DDX59: variants seen among roughly 807,000 people sequenced by gnomAD.
DDX59 encodes the protein probable ATP-dependent RNA helicase DDX59.
A neutral mutation model predicts 51.9 loss-of-function variants in DDX59; 30 were observed. The ratio of observed to expected loss-of-function variants is 0.58; its 90% CI spans 0.43 to 0.78. The LOEUF (loss-of-function observed/expected upper bound fraction) is 0.78. Among genes scored for constraint, DDX59 ranks in the 30% least tolerant of loss-of-function variants. The probability of loss-of-function intolerance (pLI) is 0.00; values close to 1 mark genes in which losing one functional copy is unlikely to be tolerated. For synonymous variants in DDX59, 255 were observed against 253.3 expected, an observed-to-expected ratio of 1.01 and a Z score of -0.06; for missense variants, 672 against 730.8, an observed-to-expected ratio of 0.92 and a Z score of 0.93.
At chr1:200,662,349 C>T (rs1463807072) in intron 3 of DDX59, among the ~76,000 whole-genome samples, 1 of 152,114 alleles carries the variant, frequency 6.6e-6, no homozygotes, top group Non-Finnish European at 1.5e-5. Flanking sequence ...AAAAAAAGTT[C>T]CATTTACTGT....
At chr1:200,663,506 C>G (rs1348815077) in intron 3 of DDX59, among the ~76,000 whole-genome samples, 1 of 152,126 alleles carries the variant, frequency 6.6e-6, no homozygotes, top group East Asian at 1.9e-4. Flanking sequence ...AACAGCATGG[C>G]TAAGGAAGGA....
At chr1:200,658,761 A>G (rs915688205) in intron 4 of DDX59, among the ~76,000 whole-genome samples, 3 of 152,216 alleles carry the variant, frequency 2.0e-5, no homozygotes, top group East Asian at 1.9e-4. Context: ...AAATGCTTAA[A>G]AAAAAACAAC....
chr1:200,642,191 T>C (rs1031002818), downstream of DDX59, among the ~76,000 whole-genome samples: 1 of 152,178 alleles, frequency 6.6e-6, no homozygotes, highest in African/African-American at 2.4e-5. Flanking sequence ...TCAGTATTTT[T>C]ATAATATAGT....
At chr1:200,649,365 A>C (rs1661503500) in intron 5 of DDX59, 139 bp from the exon 6 acceptor site, 4 of 817,618 alleles carry the variant, frequency 4.9e-6, no homozygotes, top group Admixed American at 6.9e-5. Context: ...GCGGTGGCTC[A>C]CACCTGTAAT....
intron 6 of DDX59, 137 bp from the exon 7 acceptor site, chr1:200,648,704 T>C: frequency 2.0e-6 from 2 of 1,017,414 alleles, no homozygotes; most frequent in South Asian, 1.9e-5. Flanking sequence ...AAGGTCATAG[T>C]ATACCTGAAA....
intron 3 of DDX59, among the ~76,000 whole-genome samples, chr1:200,662,223 A>G (rs921367852): frequency 1.3e-5 from 2 of 152,198 alleles, no homozygotes; most frequent in African/African-American, 2.4e-5. Flanking sequence ...TCCTGATTCC[A>G]TAATTGTATT....
At chr1:200,644,674 C>G (rs564476039) in intron 7 of DDX59, among the ~76,000 whole-genome samples, 157 bp from the exon 8 acceptor site, 354 of 152,260 alleles carry the variant, frequency 2.3e-3, no homozygotes, top group Non-Finnish European at 4.0e-3. Context: ...GCAGGTGGAT[C>G]ACCTGAGGTC....
chr1:200,650,630 A>T lies in DDX59; in HGVS notation c.1109T>A (p.Ile370Asn). Residue 370 changes from isoleucine (I) to asparagine (N), a missense_variant, in exon 5 of 8, where the codon ATT (isoleucine) becomes AAT (asparagine). Coordinates refer to ENST00000331314, the MANE Select transcript of DDX59 (RefSeq NM_001031725.6). ...ACAATCATTAGGAATGTTTTCCAAAATGTCAAGCACTTGTTGTTGAAAACC... is the reference window on the plus strand; with the variant it reads ...ACAATCATTAGGAATGTTTTCCAAATTGTCAAGCACTTGTTGTTGAAAACC... ...KMGFQQQVLD[I>N]LENIPNDCQT... The T allele has an allele frequency of 6.2e-7, 1 of 1,613,982 alleles. No individual in the cohort carries two copies. Among genetic ancestry groups the T allele is most frequent in the Non-Finnish European group, 8.5e-7 (1 of 1,179,890 alleles).
intron 4 of DDX59, among the ~76,000 whole-genome samples, chr1:200,651,975 T>A (rs1433476814): frequency 2.3e-5 from 3 of 131,008 alleles, no homozygotes; most frequent in Non-Finnish European, 4.6e-5. Flanking sequence ...GCCAGTGCAC[T>A]CCAGCCTGGG....
In DDX59 at chr1:200,666,411, G is replaced by C. The variant is rs780029470; in HGVS notation, c.330C>G (p.Val110=). The change falls in exon 2 of 8, where the codon GTC becomes GTG. Residue 110 remains valine (V), a synonymous_variant. Transcript: ENST00000331314. The part of the protein sequence containing the change: ...WAEPGEPICV[V]CGRYGEYICD... ...AGATATACTCTCCATAACGACCACA[G>C]ACAACACAGATGGGTTCCCCTGGTT... 1.2e-6 allele frequency: 2 copies of C among 1,614,166 alleles called. No homozygotes were observed. Among genetic ancestry groups the C allele is most frequent in the Non-Finnish European group, 1.7e-6 (2 of 1,180,032 alleles).
At chr1:200,641,077 G>A (rs72745089), downstream of DDX59, 1,380 of 895,540 alleles carry the variant, frequency 1.5e-3, 1 homozygote, top group Non-Finnish European at 2.1e-3. Context: ...CTATCTGTCC[G>A]GAGTCAGTTT....
chr1:200,666,406 CCA>C lies in DDX59; in HGVS notation c.333_334del (p.Cys111TrpfsTer9), dbSNP rs1391338181. ...ATCACAGATATACTCTCCATAACGACCACAGACAACACAGATGGGTTCCCCTG... is the reference window on the plus strand; with the variant it reads ...ATCACAGATATACTCTCCATAACGACCAGACAACACAGATGGGTTCCCCTG... On this transcript the variant is annotated frameshift_variant, in exon 2 of 8. Coordinates refer to ENST00000331314, the MANE Select transcript of DDX59 (RefSeq NM_001031725.6). LOFTEE classifies it high-confidence loss of function. The C allele has an allele frequency of 1.2e-6, 2 of 1,614,228 alleles. No homozygotes were observed. The highest frequency in any genetic ancestry group is 1.7e-6 in the Non-Finnish European group (2 of 1,180,042).
At chr1:200,663,059 T>C (rs930486364) in intron 3 of DDX59, among the ~76,000 whole-genome samples, 1 of 152,182 alleles carries the variant, frequency 6.6e-6, no homozygotes, top group Non-Finnish European at 1.5e-5. Context: ...GATTCCAACA[T>C]GAAAGGCTGA....
rs528732862 is a variant in DDX59, at chr1:200,660,097, T to C, written c.973-981A>G. Among the ~76,000 whole-genome samples, 9 of 152,352 alleles carry C rather than the reference T, an allele frequency of 5.9e-5. No homozygotes were observed. In the South Asian group the frequency reaches 1.9e-3, roughly 32 times the overall value. On this transcript the variant is annotated intron_variant, in intron 3 of 7. Transcript: ENST00000331314. ...TTAACTTCTATTGTATTTTGAAACC[T>C]ACAGGTTGTTCATTATGATTACTGT...
chr1:200,669,141 C>T (rs1571665602), intron 1 of DDX59, among the ~76,000 whole-genome samples: 1 of 152,186 alleles, frequency 6.6e-6, no homozygotes, highest in East Asian at 1.9e-4. Flanking sequence ...ATATCTATAC[C>T]TTTTTACACC....
Position 200,659,053 on chromosome 1 carries a change from C to G in DDX59, c.1036G>C (p.Gly346Arg), listed in dbSNP as rs752618321. Residue 346 changes from glycine to arginine, a missense_variant, in exon 4 of 8, where the codon GGT becomes CGT. By Grantham distance (125) the Gly-to-Arg change is moderately radical. Coordinates refer to ENST00000331314, the MANE Select transcript of DDX59 (RefSeq NM_001031725.6). ...IIKQSSVELCGVKIVVVDEAD... is the reference protein window; with the variant it reads ...IIKQSSVELCRVKIVVVDEAD... Reference sequence around the variant, plus strand: ...TCATCTACTACCACAATCTTTACACCACAGAGTTCTACAGAGCTCTGCTTT... The same window carrying G: ...TCATCTACTACCACAATCTTTACACGACAGAGTTCTACAGAGCTCTGCTTT... The G allele has an allele frequency of 6.2e-7, 1 of 1,613,012 alleles. No homozygotes were observed. Among genetic ancestry groups the G allele is most frequent in the Non-Finnish European group, 8.5e-7 (1 of 1,179,528 alleles).
chr1:200,641,397 TAAAA>T, downstream of DDX59: 9 of 214,856 alleles, frequency 4.2e-5, no homozygotes, highest in East Asian at 3.6e-4. Flanking sequence ...CCAAAAAAAC[TAAAA>T]AAAAAAAAAA....
chr1:200,645,453 A>G (rs1242115873), intron 7 of DDX59, among the ~76,000 whole-genome samples: 1 of 151,972 alleles, frequency 6.6e-6, no homozygotes, highest in Non-Finnish European at 1.5e-5. Context: ...AATTTTTTGT[A>G]TTTTTAGTAG....
chr1:200,669,648 G>C (rs1358199073), intron 1 of DDX59, 119 bp downstream of exon 1: 2 of 152,312 alleles, frequency 1.3e-5, no homozygotes, highest in Non-Finnish European at 2.9e-5. Flanking sequence ...ACGGGGAACT[G>C]TAAGGATGGG....
Sources: allele counts gnomAD v4.1 joint callset (sites outside exome capture counted in the v4.1 genomes callset), GRCh38; gene constraint gnomAD v4.1.1; transcripts MANE v1.5; gene names NCBI Gene and HGNC (gene_info 2026-07-23, HGNC 2026-07-21).